The following SENP2 variants were observed in gnomAD, a reference collection of about 807,000 sequenced individuals.
SENP2 encodes the protein SUMO specific peptidase 2.
In SENP2, 16 loss-of-function variants were observed where a neutral mutation model predicts 86.3. That is an observed-to-expected ratio of 0.19 (90% CI 0.13 to 0.28). The LOEUF (loss-of-function observed/expected upper bound fraction) is 0.28. SENP2 is among the 10% of genes least tolerant of loss of function. The pLI, the probability that SENP2 is intolerant of heterozygous loss-of-function variation, is 1.00. For synonymous variants in SENP2, 222 were observed against 238.7 expected, an observed-to-expected ratio of 0.93 and a Z score of 0.64; for missense variants, 552 against 703.0, an observed-to-expected ratio of 0.79 and a Z score of 2.43.
intron 8 of SENP2, chr3:185,612,400 T>C (rs1369710283): frequency 8.3e-6 from 4 of 484,584 alleles, no homozygotes; most frequent in Non-Finnish European, 1.5e-5. Flanking sequence ...ACTCAGTTTA[T>C]AGTAAAGATT....
chr3:185,600,678 G>C, intron 4 of SENP2, 87 bp from the exon 5 acceptor site: 1 of 805,138 alleles, frequency 1.2e-6, no homozygotes, highest in South Asian at 1.5e-5. Flanking sequence ...TATGATGTAG[G>C]TTGCTCACAG....
intron 4 of SENP2, among the ~76,000 whole-genome samples, 200 bp downstream of exon 4, chr3:185,599,224 G>T (rs993039293): frequency 8.6e-5 from 13 of 151,930 alleles, no homozygotes; most frequent in Admixed American, 4.6e-4. Flanking sequence ...TATTATCAGT[G>T]TCCTCAATGT....
chr3:185,611,689 G>A lies in SENP2; in HGVS notation c.761G>A (p.Gly254Asp). The A allele has an allele frequency of 6.2e-7, 1 of 1,613,652 alleles. No homozygotes were observed. Among genetic ancestry groups the A allele is most frequent in the Non-Finnish European group, 8.5e-7 (1 of 1,179,898 alleles). ...RSQMDTLKTK[G>D]WGEEQNHGVK... ...CAGATGGACACATTAAAGACCAAAG[G>A]CTGGGGGGAAGAGCAAAATCACGGA... Residue 254 changes from glycine to aspartate, a missense_variant, in exon 8 of 17, where the codon GGC (glycine) becomes GAC (aspartate). By Grantham distance (94) the Gly-to-Asp change is moderately conservative. Transcript: ENST00000296257.
intron 4 of SENP2, among the ~76,000 whole-genome samples, chr3:185,599,310 C>CT (rs1722270329): frequency 6.6e-6 from 1 of 152,052 alleles, no homozygotes; most frequent in Non-Finnish European, 1.5e-5. Flanking sequence ...TTCCTGAGAA[C>CT]TTACTCTGTG....
At chr3:185,588,050 A>ATTTTTT (rs1196425963) in intron 1 of SENP2, among the ~76,000 whole-genome samples, 780 of 64,764 alleles carry the variant, frequency 0.012, 53 homozygotes, top group South Asian at 0.047. Context: ...CTACCGGCTA[A>ATTTTTT]TTTTTTTTTT....
chr3:185,609,101 TA>T lies in SENP2; in HGVS notation c.619-140del. On this transcript the variant is annotated intron_variant, in intron 6 of 16. Transcript: ENST00000296257. ...TGATCAAAGGAGGCTAGATTATTTT[TA>T]AAAAATGTATAAAGTTAGTAATTAA... The T allele has an allele frequency of 8.7e-6, 5 of 575,648 alleles. No homozygotes were observed. The East Asian group carries it at 1.5e-4, about 17-fold the overall frequency. 35.7% of individuals were successfully genotyped at this position (575,648 alleles called of 1,614,324 possible).
Position 185,633,190 on chromosome 3 carries a change from G to A in SENP2, c.*3346G>A, listed in dbSNP as rs1402748241. The A allele has an allele frequency of 1.3e-5, 2 of 152,160 alleles. No homozygotes were observed. The highest frequency in any genetic ancestry group is 4.8e-5 in the African/African-American group (2 of 41,400). The allele number at this position is 152,160 out of a possible 1,614,324, so 9.4% of individuals were successfully genotyped here. A position where few individuals can be genotyped will look rare whatever the true frequency, so the allele number is the denominator to read the frequency against. On this transcript the variant is annotated 3_prime_UTR_variant, in exon 17 of 17. Transcript: ENST00000296257. ...TGGGGACCAAGGTGTGGGTGTGGGC[G>A]GAATGTATCCTAGTAGAAACAGTGA...
In SENP2 at chr3:185,620,233, T is replaced by A. The variant is rs139089688; in HGVS notation, c.1446+731T>A. Among the ~76,000 whole-genome samples, 671 of 152,008 alleles carry A rather than the reference T, an allele frequency of 4.4e-3. 5 individuals carry two copies. The highest frequency in any genetic ancestry group is 0.015 in the African/African-American group (619 of 41,482). ...ATGCACCACTATGCCTGGCTAATTTTTTTTAATTTATTTTAATTTTTTTGT... is the reference window on the plus strand; with the variant it reads ...ATGCACCACTATGCCTGGCTAATTTATTTTAATTTATTTTAATTTTTTTGT... On this transcript the variant is annotated intron_variant, in intron 13 of 16. Coordinates refer to ENST00000296257, the MANE Select transcript of SENP2 (RefSeq NM_021627.3).
intron 1 of SENP2, among the ~76,000 whole-genome samples, chr3:185,587,320 A>T (rs1346654686): frequency 6.6e-6 from 1 of 151,664 alleles, no homozygotes; most frequent in African/African-American, 2.4e-5. Context: ...TTTAGTAGAG[A>T]TGGGGTTTCA....
chr3:185,601,812 A>G (rs1052316771), intron 5 of SENP2, among the ~76,000 whole-genome samples: 7 of 151,154 alleles, frequency 4.6e-5, no homozygotes, highest in Admixed American at 4.6e-4. Context: ...TATTTTTTGC[A>G]TTTTTAGTAG....
chr3:185,617,421 A>C, intron 11 of SENP2, 59 bp from the exon 12 acceptor site: 1 of 1,471,492 alleles, frequency 6.8e-7, no homozygotes, highest in Non-Finnish European at 9.1e-7. Context: ...CGGAGTTTTC[A>C]ATAACTGATA....
rs1206042436 is a variant in SENP2, at chr3:185,621,156, C to CAAAAAAA, written c.1447-655_1447-649dup. Among the ~76,000 whole-genome samples the CAAAAAAA allele has an allele frequency of 4.9e-3, 191 of 39,030 alleles. 4 individuals are homozygous for CAAAAAAA. The highest frequency in any genetic ancestry group is 6.7e-3 in the Non-Finnish European group (152 of 22,832). 25.6% of individuals were successfully genotyped at this position (39,030 alleles called of 152,430 possible). On this transcript the variant is annotated intron_variant, in intron 13 of 16. Transcript: ENST00000296257. ...TGGGTCACAGAGTGAGATCTTGTCT[C>CAAAAAAA]AAAAAAAAAAAAAAAAAAAAAGAGA...
At chr3:185,600,649 CAA>C in intron 4 of SENP2, 114 bp from the exon 5 acceptor site, 1 of 662,144 alleles carries the variant, frequency 1.5e-6, no homozygotes, top group East Asian at 2.7e-5. Context: ...AATTGAAAAA[CAA>C]GATGTTGATT....
intron 1 of SENP2, among the ~76,000 whole-genome samples, 198 bp from the exon 2 acceptor site, chr3:185,589,916 C>G (rs192253303): frequency 3.2e-4 from 48 of 152,244 alleles, no homozygotes; most frequent in Admixed American, 2.1e-3. Flanking sequence ...CGATCCTCCC[C>G]CTTGGCCTCC....
At chr3:185,608,077 A>G (rs1185236189) in intron 6 of SENP2, among the ~76,000 whole-genome samples, 1 of 152,234 alleles carries the variant, frequency 6.6e-6, no homozygotes, top group African/African-American at 2.4e-5. Flanking sequence ...TTAGTTCATC[A>G]AAGAAATATT....
At chr3:185,625,304 A>G (rs979253411) in intron 15 of SENP2, among the ~76,000 whole-genome samples, 12 of 151,726 alleles carry the variant, frequency 7.9e-5, no homozygotes, top group Non-Finnish European at 8.8e-5. Context: ...GTAGAGACGG[A>G]GTTTCACCAT....
Position 185,612,651 on chromosome 3 carries a change from GA to G in SENP2, c.866del (p.Lys289ArgfsTer57). The G allele has an allele frequency of 6.2e-7, 1 of 1,603,934 alleles. No individual in the cohort carries two copies. Among genetic ancestry groups the G allele is most frequent in the Non-Finnish European group, 8.5e-7 (1 of 1,170,944 alleles). On this transcript the variant is annotated frameshift_variant, in exon 9 of 17. Coordinates refer to ENST00000296257, the MANE Select transcript of SENP2 (RefSeq NM_021627.3). ...TRGPLCSLRS[E>X]KRCSKGKITD... ...GGGACCTCTATGTTCATTGAGAAGT[GA>G]AAAGAGGTACGTACATTCAGTTCAT...
chr3:185,606,888 C>A, intron 6 of SENP2: 1 of 375,502 alleles, frequency 2.7e-6, no homozygotes, highest in Non-Finnish European at 5.2e-6. Context: ...AAAAATGAAA[C>A]TTTTTTCAGA....
At chr3:185,604,359 T>G (rs1722443203) in intron 5 of SENP2, among the ~76,000 whole-genome samples, 1 of 152,210 alleles carries the variant, frequency 6.6e-6, no homozygotes, top group South Asian at 2.1e-4. Flanking sequence ...TATGGTCCAG[T>G]TGGATGATGT....
Sources: gnomAD v4.1 joint callset for allele counts (sites outside exome capture counted in the v4.1 genomes callset) on GRCh38, gnomAD v4.1.1 for gene constraint, MANE v1.5 for transcripts, NCBI Gene and HGNC (gene_info 2026-07-23, HGNC 2026-07-21) for gene names.